TANGO6: variants seen among roughly 807,000 people sequenced by gnomAD.
The protein encoded by TANGO6 is transport and Golgi organization protein 6 homolog.
A neutral mutation model predicts 114.2 loss-of-function variants in TANGO6; 90 were observed. The observed-to-expected ratio is 0.79, with a 90% CI of 0.66 to 0.94. The LOEUF (loss-of-function observed/expected upper bound fraction) is 0.94. Among genes scored for constraint, TANGO6 ranks in the 40% least tolerant of loss-of-function variants. The pLI, the probability that TANGO6 is intolerant of heterozygous loss-of-function variation, is 0.00. For synonymous variants in TANGO6, 477 were observed against 509.8 expected (o/e 0.94, Z 0.87); for missense variants, 1,274 against 1,315.3 (o/e 0.97, Z 0.49).
intron 17 of TANGO6, among the ~76,000 whole-genome samples, chr16:69,073,729 G>A (rs9939630): frequency 0.024 from 3,607 of 152,226 alleles, 146 homozygotes; most frequent in African/African-American, 0.081. Context: ...GGCCGAGGCC[G>A]GCAGATCACA....
intron 15 of TANGO6, among the ~76,000 whole-genome samples, chr16:69,021,381 T>G (rs1363018874): frequency 6.6e-6 from 1 of 152,194 alleles, no homozygotes; most frequent in African/African-American, 2.4e-5. Flanking sequence ...AAATGTCACC[T>G]TCTCAATGAA....
intron 9 of TANGO6, 99 bp downstream of exon 9, chr16:68,902,603 C>G: frequency 8.6e-7 from 1 of 1,166,866 alleles, no homozygotes; most frequent in Non-Finnish European, 1.2e-6. Context: ...GAAAAGAAAC[C>G]AGAAACTCAA....
At chr16:69,024,082 A>G (rs965512340) in intron 16 of TANGO6, among the ~76,000 whole-genome samples, 3 of 151,510 alleles carry the variant, frequency 2.0e-5, no homozygotes, top group African/African-American at 7.3e-5. Context: ...TTGTATTTTT[A>G]GTATAGACAG....
intron 1 of TANGO6, among the ~76,000 whole-genome samples, chr16:68,844,230 A>G (rs1296725193): frequency 6.6e-6 from 1 of 152,126 alleles, no homozygotes; most frequent in Non-Finnish European, 1.5e-5. Flanking sequence ...TGGTGCGTGG[A>G]CAGTTTCTTC....
chr16:68,850,367 G>A (rs1961881396), intron 1 of TANGO6, among the ~76,000 whole-genome samples: 1 of 151,858 alleles, frequency 6.6e-6, no homozygotes, highest in Non-Finnish European at 1.5e-5. Flanking sequence ...TATTATATAT[G>A]TGCATGTATA....
chr16:68,875,279 A>G lies in TANGO6; in HGVS notation c.1120A>G (p.Ile374Val). ...SLSPENYYRD[I>V]CPQVLDLFHF... ...TTCACCAGAGAATTACTACAGGGACATCTGCCCCCAGGTAAATCTTTTTGT... is the reference window on the plus strand; with the variant it reads ...TTCACCAGAGAATTACTACAGGGACGTCTGCCCCCAGGTAAATCTTTTTGT... Residue 374 changes from isoleucine to valine, a missense_variant, in exon 5 of 18, where the codon ATC becomes GTC. Coordinates refer to ENST00000261778, the MANE Select transcript of TANGO6 (RefSeq NM_024562.2). 6.2e-7 allele frequency: 1 copy of G among 1,612,936 alleles called. No homozygotes were observed. Among genetic ancestry groups the G allele is most frequent in the Non-Finnish European group, 8.5e-7 (1 of 1,179,218 alleles).
chr16:69,041,846 G>A (rs541062716), intron 17 of TANGO6, among the ~76,000 whole-genome samples: 27 of 152,292 alleles, frequency 1.8e-4, no homozygotes, highest in African/African-American at 6.3e-4. Flanking sequence ...ATGTAAGTAG[G>A]TGGTGTCTGT....
Position 68,927,675 on chromosome 16 carries a change from C to T in TANGO6, c.2235C>T (p.Arg745=), listed in dbSNP as rs753263608. The change falls in exon 13 of 18, where the codon CGC becomes CGT. Residue 745 remains arginine, a synonymous_variant. Coordinates refer to ENST00000261778, the MANE Select transcript of TANGO6 (RefSeq NM_024562.2). The stretch of plus-strand genomic sequence containing the variant: ...TCCAAGAACTCGCTGTTGATCTCCG[C>T]ATCACCATCTCTACCCATGGAGCCT... The part of the protein sequence containing the change: ...PVIQELAVDL[R]ITISTHGAFA... 8.7e-6 allele frequency: 14 copies of T among 1,613,898 alleles called. No individual in the cohort carries two copies. The highest frequency in any genetic ancestry group is 8.3e-5 in the Admixed American group (5 of 59,990).
chr16:69,067,307 G>C (rs558396637), intron 17 of TANGO6, among the ~76,000 whole-genome samples: 1 of 150,986 alleles, frequency 6.6e-6, no homozygotes, highest in Non-Finnish European at 1.5e-5. Flanking sequence ...TCAGGCATTC[G>C]AGACCATCCT....
chr16:68,979,886 C>G (rs975495124), intron 15 of TANGO6, among the ~76,000 whole-genome samples: 5 of 150,640 alleles, frequency 3.3e-5, no homozygotes, highest in African/African-American at 1.2e-4. Flanking sequence ...GCTCTGTCAC[C>G]CAGGCTGGAG....
At chr16:68,955,569 G>A (rs557142009) in intron 14 of TANGO6, among the ~76,000 whole-genome samples, 3 of 152,134 alleles carry the variant, frequency 2.0e-5, no homozygotes, top group African/African-American at 7.2e-5. Flanking sequence ...TGGGTCACTG[G>A]GTCAAAAATT....
At position 68,843,649 on chromosome 16, in the gene TANGO6, C is replaced by T. The variant is rs757143621; in HGVS notation, c.32C>T (p.Ala11Val). Residue 11 changes from alanine to valine, a missense_variant, in exon 1 of 18, where the codon GCT becomes GTT. Transcript: ENST00000261778. MAARQAVGSGAQETCGLDRIL... is the reference protein window; with the variant it reads MAARQAVGSGVQETCGLDRIL... ...GCCCGACAGGCCGTGGGCAGCGGGGCTCAGGAGACATGCGGTCTGGATCGG... is the reference window on the plus strand; with the variant it reads ...GCCCGACAGGCCGTGGGCAGCGGGGTTCAGGAGACATGCGGTCTGGATCGG... 7.4e-6 allele frequency: 12 copies of T among 1,613,610 alleles called. No homozygotes were observed. Among genetic ancestry groups the T allele is most frequent in the Non-Finnish European group, 1.0e-5 (12 of 1,179,754 alleles).
intron 1 of TANGO6, among the ~76,000 whole-genome samples, chr16:68,847,605 C>T (rs138087440): frequency 6.2e-4 from 94 of 152,300 alleles, no homozygotes; most frequent in African/African-American, 2.2e-3. Flanking sequence ...TTAGTGGCAA[C>T]AAGAGGGAAA....
intron 15 of TANGO6, among the ~76,000 whole-genome samples, chr16:68,996,051 T>C (rs1176716280): frequency 1.3e-5 from 2 of 152,206 alleles, no homozygotes; most frequent in Non-Finnish European, 2.9e-5. Flanking sequence ...TGGGCTGCAC[T>C]GTAGCTGCGT....
intron 4 of TANGO6, 189 bp downstream of exon 4, chr16:68,867,409 G>A (rs1257773604): frequency 1.6e-6 from 1 of 625,468 alleles, no homozygotes; most frequent in Non-Finnish European, 2.7e-6. Flanking sequence ...TAATTCTCTT[G>A]CTCTTTTCCT....
At chr16:68,989,431 G>C (rs544340555) in intron 15 of TANGO6, among the ~76,000 whole-genome samples, 53 of 151,312 alleles carry the variant, frequency 3.5e-4, no homozygotes, top group African/African-American at 1.3e-3. Context: ...TTTTATTTTC[G>C]ATATTGTATT....
intron 5 of TANGO6, among the ~76,000 whole-genome samples, chr16:68,877,417 G>A (rs547474567): frequency 3.0e-4 from 44 of 147,966 alleles, no homozygotes; most frequent in African/African-American, 1.0e-3. Context: ...GCAGTGAGCC[G>A]AGATTGCACC....
intron 7 of TANGO6, among the ~76,000 whole-genome samples, chr16:68,894,465 A>G (rs777353323): frequency 2.0e-4 from 31 of 152,098 alleles, no homozygotes; most frequent in Admixed American, 8.5e-4. Flanking sequence ...AGGGAGCTGT[A>G]TAAGTAGGAG....
chr16:68,942,806 A>T (rs1356331576), intron 14 of TANGO6, among the ~76,000 whole-genome samples: 1 of 152,228 alleles, frequency 6.6e-6, no homozygotes, highest in East Asian at 1.9e-4. Flanking sequence ...AAATGCAGTG[A>T]TGTATGACCT....
Sources: allele counts gnomAD v4.1 joint callset (sites outside exome capture counted in the v4.1 genomes callset), GRCh38; gene constraint gnomAD v4.1.1; transcripts MANE v1.5; gene names NCBI Gene and HGNC (gene_info 2026-07-23, HGNC 2026-07-21).